SNTG2: variants seen among roughly 807,000 people sequenced by gnomAD.
SNTG2 encodes the protein syntrophin gamma 2.
Under a neutral mutation model 70.9 loss-of-function variants are expected in SNTG2, and 74 were observed. The observed-to-expected ratio is 1.04, with a 90% CI of 0.86 to 1.27. The LOEUF (loss-of-function observed/expected upper bound fraction) is 1.27, where lower values mean the gene tolerates loss of function less well. Ranked by LOEUF, SNTG2 falls within the 50% of genes most tolerant of loss-of-function variation. SNTG2 has a pLI of 0.00. For missense variants in SNTG2, 717 were observed against 690.7 expected, an observed-to-expected ratio of 1.04 and a Z score of -0.43; for synonymous variants, 278 against 273.8, an observed-to-expected ratio of 1.02 and a Z score of -0.15.
At chr2:991,406 C>CACACACAA (rs1238273034) in intron 1 of SNTG2, among the ~76,000 whole-genome samples, 6 of 151,310 alleles carry the variant, frequency 4.0e-5, no homozygotes, top group African/African-American at 1.2e-4. Context: ...CACACACACA[C>CACACACAA]AATTATGACT....
intron 1 of SNTG2, among the ~76,000 whole-genome samples, chr2:1,039,527 CCCCT>C (rs1319539979): frequency 6.6e-6 from 1 of 151,962 alleles, no homozygotes; most frequent in Non-Finnish European, 1.5e-5. Flanking sequence ...TTGAAAATGC[CCCCT>C]AAGTAGGTCA....
intron 1 of SNTG2, among the ~76,000 whole-genome samples, chr2:1,074,677 A>G (rs1663805210): frequency 6.6e-6 from 1 of 152,214 alleles, no homozygotes; most frequent in Non-Finnish European, 1.5e-5. Context: ...ACCTCCTACA[A>G]TTTATACACC....
intron 9 of SNTG2, among the ~76,000 whole-genome samples, chr2:1,222,099 C>CTGTCTCTCTCTG (rs1451914786): frequency 6.9e-5 from 1 of 14,594 alleles, no homozygotes; most frequent in Admixed American, 6.5e-4. Flanking sequence ...CTCTCTGTCT[C>CTGTCTCTCTCTG]TCTCTGTCTC....
intron 4 of SNTG2, among the ~76,000 whole-genome samples, chr2:1,132,397 T>C (rs1668083223): frequency 6.6e-6 from 1 of 152,080 alleles, no homozygotes; most frequent in Admixed American, 6.5e-5. Context: ...ACGCCTGGAA[T>C]TGAGTTTGCA....
intron 14 of SNTG2, among the ~76,000 whole-genome samples, chr2:1,281,465 TTGGTGTTTA>T (rs1679539323): frequency 6.6e-6 from 1 of 151,732 alleles, no homozygotes; most frequent in African/African-American, 2.4e-5. Flanking sequence ...GCTTGTGTAT[TTGGTGTTTA>T]TGGTGTATAT....
intron 1 of SNTG2, among the ~76,000 whole-genome samples, chr2:968,136 T>C (rs1463401690): frequency 7.8e-6 from 1 of 127,970 alleles, no homozygotes; most frequent in Non-Finnish European, 1.7e-5. Flanking sequence ...GAATTTTATT[T>C]CAAGCGTTTT....
chr2:1,028,829 C>T (rs6714761), intron 1 of SNTG2, among the ~76,000 whole-genome samples: 59,447 of 151,406 alleles, frequency 0.39, 12,073 homozygotes, highest in African/African-American at 0.46. Context: ...GGTACTGTTC[C>T]GTTTGTGTGC....
intron 1 of SNTG2, among the ~76,000 whole-genome samples, chr2:1,001,638 C>A (rs1262813203): frequency 6.6e-6 from 1 of 151,684 alleles, no homozygotes; most frequent in Non-Finnish European, 1.5e-5. Flanking sequence ...ATGGAAAAAC[C>A]TCCCTGGCTC....
intron 6 of SNTG2, among the ~76,000 whole-genome samples, chr2:1,143,966 T>C (rs544962352): frequency 6.6e-6 from 1 of 150,538 alleles, no homozygotes; most frequent in Admixed American, 6.6e-5. Context: ...CAGAAATTTA[T>C]TGCAATTCTC....
At chr2:1,365,909 A>G (rs1280642343) in intron 16 of SNTG2, among the ~76,000 whole-genome samples, 1 of 152,164 alleles carries the variant, frequency 6.6e-6, no homozygotes, top group Non-Finnish European at 1.5e-5. Flanking sequence ...TTGGGGAGGG[A>G]GGGCTTTACC....
intron 16 of SNTG2, among the ~76,000 whole-genome samples, chr2:1,331,572 G>T (rs142708056): frequency 2.0e-4 from 30 of 152,266 alleles, no homozygotes; most frequent in African/African-American, 6.5e-4. Flanking sequence ...TATGAAGTTT[G>T]TGGGTCTGAG....
chr2:976,908 C>T (rs1660923666), intron 1 of SNTG2, among the ~76,000 whole-genome samples: 1 of 152,252 alleles, frequency 6.6e-6, no homozygotes, highest in Non-Finnish European at 1.5e-5. Flanking sequence ...GAGGCAGCCT[C>T]AGCCAAGGCG....
In SNTG2 at chr2:1,282,020, A is replaced by G. The variant is rs569205858; in HGVS notation, c.1284+14449A>G. Among the ~76,000 whole-genome samples the G allele has an allele frequency of 1.2e-4, 18 of 152,318 alleles. No individual in the cohort carries two copies. In the East Asian group the frequency reaches 3.1e-3, roughly 26 times the overall value. On this transcript the variant is annotated intron_variant, in intron 14 of 16. Transcript: ENST00000308624. ...CTGACTCTGAAAATCTGGCTTGCAT[A>G]TAAACATCCAGCCTTATAGCCTGCC... is the stretch of plus-strand genomic sequence containing the variant.
chr2:1,354,942 C>G (rs1005505383), intron 16 of SNTG2, among the ~76,000 whole-genome samples: 9 of 152,214 alleles, frequency 5.9e-5, no homozygotes, highest in Non-Finnish European at 1.3e-4. Flanking sequence ...GAAGTTCTCC[C>G]TGTGTCACAC....
At chr2:1,259,550 GA>G in intron 13 of SNTG2, 109 bp downstream of exon 13, 3 of 905,962 alleles carry the variant, frequency 3.3e-6, no homozygotes, top group Non-Finnish European at 5.3e-6. Flanking sequence ...AGTAAAATTT[GA>G]AATAGTAAAA....
chr2:1,189,375 A>C (rs574949981), intron 8 of SNTG2, among the ~76,000 whole-genome samples: 1 of 133,608 alleles, frequency 7.5e-6, no homozygotes, highest in African/African-American at 2.6e-5. Flanking sequence ...AATTAACAAG[A>C]CAGTTCTCAA....
At chr2:977,887 A>G (rs1251613330) in intron 1 of SNTG2, among the ~76,000 whole-genome samples, 2 of 152,138 alleles carry the variant, frequency 1.3e-5, no homozygotes, top group African/African-American at 4.8e-5. Flanking sequence ...AACTGATCTC[A>G]TCTCTTTCAT....
intron 8 of SNTG2, among the ~76,000 whole-genome samples, chr2:1,194,879 T>TC (rs1384591911): frequency 2.0e-5 from 3 of 152,084 alleles, no homozygotes; most frequent in Non-Finnish European, 2.9e-5. Flanking sequence ...CCTCCCCTAG[T>TC]CCCCCACTCC....
At chr2:1,082,081 G>A (rs2148166895) in intron 1 of SNTG2, among the ~76,000 whole-genome samples, 1 of 152,288 alleles carries the variant, frequency 6.6e-6, no homozygotes, top group African/African-American at 2.4e-5. Context: ...TGAGGATGTT[G>A]GGAGGAGCAG....
Sources: gnomAD v4.1 joint callset for allele counts (sites outside exome capture counted in the v4.1 genomes callset) on GRCh38, gnomAD v4.1.1 for gene constraint, MANE v1.5 for transcripts, NCBI Gene and HGNC (gene_info 2026-07-23, HGNC 2026-07-21) for gene names.